The following STIL variants were observed in gnomAD, a reference collection of about 807,000 sequenced individuals.
The protein encoded by STIL is STIL centriolar assembly protein.
In STIL, 55 loss-of-function variants were observed where a neutral mutation model predicts 110.1. The ratio of observed to expected loss-of-function variants is 0.50; its 90% CI spans 0.40 to 0.63. The LOEUF is 0.63. STIL is among the 20% of genes least tolerant of loss of function. STIL has a pLI of 0.00. For synonymous variants in STIL, 481 were observed against 530.0 expected (o/e 0.91, Z 1.27); for missense variants, 1,358 against 1,530.0 (o/e 0.89, Z 1.87).
intron 10 of STIL, 49 bp downstream of exon 10, chr1:47,287,502 A>T (rs954213908): frequency 3.3e-6 from 4 of 1,220,778 alleles, no homozygotes; most frequent in Non-Finnish European, 3.5e-6. Context: ...AAAACTAATA[A>T]ATATAATTTT....
chr1:47,260,731 C>T (rs560131105), intron 15 of STIL, among the ~76,000 whole-genome samples, 192 bp from the exon 16 acceptor site: 9 of 151,988 alleles, frequency 5.9e-5, no homozygotes, highest in East Asian at 1.9e-4. Context: ...TAGCTGGGCA[C>T]GGTGGCACAC....
intron 8 of STIL, among the ~76,000 whole-genome samples, chr1:47,291,618 T>C (rs1645493039): frequency 6.6e-6 from 1 of 152,092 alleles, no homozygotes; most frequent in Admixed American, 6.6e-5. Context: ...CAGGCTGGAG[T>C]GTAGTGGTGC....
rs1435556471 is a variant in STIL at position 47,251,276 on chromosome 1, C to T, written c.3727G>A (p.Glu1243Lys). 1 of 1,612,252 alleles carries T rather than the reference C, an allele frequency of 6.2e-7. No individual in the cohort carries two copies. The highest frequency in any genetic ancestry group is 8.5e-7 in the Non-Finnish European group (1 of 1,178,678). Residue 1243 changes from glutamate to lysine, a missense_variant, in exon 17 of 17, where the codon GAG becomes AAG. Transcript: ENST00000371877. ...GTAATGTCCCCTTCATTTTCTTTCTCAGGATGTTGAGTGAACTCTGCTTTC... is the reference window on the plus strand; with the variant it reads ...GTAATGTCCCCTTCATTTTCTTTCTTAGGATGTTGAGTGAACTCTGCTTTC... The part of the protein sequence containing the change: ...TGKAEFTQHP[E>K]KENEGDITIF...
At chr1:47,278,752 G>T in intron 12 of STIL, among the ~76,000 whole-genome samples, 1 of 151,892 alleles carries the variant, frequency 6.6e-6, no homozygotes, top group Middle Eastern at 3.4e-3. Context: ...GATCACTTGA[G>T]CTGAGGAGTT....
intron 14 of STIL, among the ~76,000 whole-genome samples, chr1:47,266,929 G>C (rs747553315): frequency 6.6e-6 from 1 of 152,102 alleles, no homozygotes; most frequent in Admixed American, 6.5e-5. Context: ...CATATAACTT[G>C]GCTCCTGCCT....
intron 14 of STIL, 140 bp from the exon 15 acceptor site, chr1:47,263,256 C>A (rs912340632): frequency 2.5e-6 from 2 of 794,036 alleles, no homozygotes; most frequent in Admixed American, 4.2e-5. Flanking sequence ...TACATAAACA[C>A]CCCATCTTAG....
chr1:47,303,145 C>T lies in STIL; in HGVS notation c.153-799G>A, dbSNP rs151088945. On this transcript the variant is annotated intron_variant, in intron 3 of 16. Coordinates refer to ENST00000371877, the MANE Select transcript of STIL (RefSeq NM_001048166.1). ...TTAAAGAAATAAAAAATATAATTTG[C>T]AAAAATTCAATAAGTTATATAATTA... is the stretch of plus-strand genomic sequence containing the variant. Among the ~76,000 whole-genome samples the T allele has an allele frequency of 2.9e-3, 438 of 152,124 alleles. 2 individuals carry two copies. Among genetic ancestry groups the T allele is most frequent in the African/African-American group, 9.9e-3 (413 of 41,520 alleles).
intron 12 of STIL, among the ~76,000 whole-genome samples, chr1:47,279,179 C>T (rs12405544): frequency 6.6e-6 from 1 of 150,580 alleles, no homozygotes; most frequent in African/African-American, 2.4e-5. Context: ...GCTACTCCGG[C>T]GGCTGAGGCA....
Position 47,300,033 on chromosome 1 carries a change from T to G in STIL, c.573A>C (p.Ala191=). ...TAAAGTTATTTGCTAGAGTTACTGC[T>G]GCCCAATGCAAGTCAAATTCCACAC... ...LDSVEFDLHW[A]AVTLANNFKC... is the part of the protein sequence containing the mutation. Residue 191 remains alanine, a synonymous_variant, in exon 6 of 17, where the codon GCA becomes GCC. Transcript: ENST00000371877. The G allele has an allele frequency of 1.9e-6, 3 of 1,614,196 alleles. No individual in the cohort carries two copies. The highest frequency in any genetic ancestry group is 2.5e-6 in the Non-Finnish European group (3 of 1,180,030).
In STIL at chr1:47,301,599, T is replaced by C. The variant is rs369001599; in HGVS notation, c.415A>G (p.Ile139Val). 6.2e-7 allele frequency: 1 copy of C among 1,613,970 alleles called. No homozygotes were observed. The highest frequency in any genetic ancestry group is 8.5e-7 in the Non-Finnish European group (1 of 1,180,018). The change falls in exon 5 of 17, where the codon ATA becomes GTA. Residue 139 changes from isoleucine (I) to valine (V), a missense_variant. By Grantham distance (29) the Ile-to-Val change is conservative. Transcript: ENST00000371877. ...CTGAAGTCATCTACACTGTGAACTA[T>C]CATTTCTCTTGAACAAAGTTCTTGA... Reference protein sequence around the residue: ...HTQELCSREMIVHSVDDFSSA... With the variant: ...HTQELCSREMVVHSVDDFSSA...
chr1:47,299,627 A>C, intron 6 of STIL: 1 of 374,610 alleles, frequency 2.7e-6, no homozygotes, highest in Non-Finnish European at 5.1e-6. Flanking sequence ...TCCTGACCTC[A>C]GGTGATCTGC....
Position 47,280,646 on chromosome 1 carries a change from C to T in STIL, c.1812G>A (p.Arg604=), listed in dbSNP as rs1645131394. The T allele has an allele frequency of 1.9e-6, 3 of 1,614,194 alleles. No individual in the cohort carries two copies. The highest frequency in any genetic ancestry group is 2.5e-6 in the Non-Finnish European group (3 of 1,180,052). ...GAATATGACTATGATGCTGACAACA[C>T]CTGCAAACGTTTGTGGAACAGTAAG... ...LPSYCSTNVC[R]CCQHHSHIQY... is the part of the protein sequence containing the mutation. Residue 604 remains arginine (R), a synonymous_variant, in exon 12 of 17, where the codon AGG becomes AGA. Transcript: ENST00000371877.
At chr1:47,288,844 C>T (rs1265365797) in intron 9 of STIL, among the ~76,000 whole-genome samples, 3 of 143,314 alleles carry the variant, frequency 2.1e-5, no homozygotes, top group African/African-American at 5.2e-5. Flanking sequence ...GTCAGGAGTT[C>T]GAGACCAGCA....
chr1:47,278,393 T>C (rs1309199703), intron 12 of STIL, among the ~76,000 whole-genome samples: 1 of 152,148 alleles, frequency 6.6e-6, no homozygotes, highest in Admixed American at 6.5e-5. Flanking sequence ...AAATACTATA[T>C]GTATTTACAC....
Position 47,251,489 on chromosome 1 carries a change from A to C in STIL, c.3514T>G (p.Ser1172Ala). Residue 1172 changes from serine (S) to alanine (A), a missense_variant, in exon 17 of 17, where the codon TCT becomes GCT. By Grantham distance (99) the Ser-to-Ala change is moderately conservative. Coordinates refer to ENST00000371877, the MANE Select transcript of STIL (RefSeq NM_001048166.1). ...PEQLGGQKEPSKNDHEIINCS... is the reference protein window; with the variant it reads ...PEQLGGQKEPAKNDHEIINCS... The stretch of plus-strand genomic sequence containing the variant: ...TTAATTATTTCATGGTCATTCTTAG[A>C]AGGCTCTTTCTGACCACCAAGCTGT... 1 of 1,614,232 alleles carries C rather than the reference A, an allele frequency of 6.2e-7. No individual in the cohort carries two copies. Among genetic ancestry groups the C allele is most frequent in the Non-Finnish European group, 8.5e-7 (1 of 1,180,056 alleles).
chr1:47,277,087 C>T (rs1274590953), intron 12 of STIL, among the ~76,000 whole-genome samples: 1 of 152,058 alleles, frequency 6.6e-6, no homozygotes, highest in Non-Finnish European at 1.5e-5. Flanking sequence ...TGAATGTGAG[C>T]TCCTTCCCTG....
Position 47,299,942 on chromosome 1 carries a change from G to C in STIL, c.664C>G (p.Leu222Val). 1 of 1,614,058 alleles carries C rather than the reference G, an allele frequency of 6.2e-7. No homozygotes were observed. The highest frequency in any genetic ancestry group is 1.1e-5 in the South Asian group (1 of 91,086). Residue 222 changes from leucine to valine, a missense_variant, in exon 6 of 17, where the codon CTG becomes GTG. Coordinates refer to ENST00000371877, the MANE Select transcript of STIL (RefSeq NM_001048166.1). ...GTCCCTTGAACTTGAGAAATATTCAGATTACTGCTCAAGTTTCTTGCCAGA... is the reference window on the plus strand; with the variant it reads ...GTCCCTTGAACTTGAGAAATATTCACATTACTGCTCAAGTTTCTTGCCAGA... ...TALARNLSSNLNISQVQGTYK... is the reference protein window; with the variant it reads ...TALARNLSSNVNISQVQGTYK...
At chr1:47,308,657 T>C (rs999884834) in intron 2 of STIL, among the ~76,000 whole-genome samples, 1 of 151,166 alleles carries the variant, frequency 6.6e-6, no homozygotes, top group African/African-American at 2.4e-5. Context: ...AGTTAATGGG[T>C]TTAAAAAAAA....
chr1:47,269,616 T>C lies in STIL; in HGVS notation c.2615+19A>G. 1 of 1,610,152 alleles carries C rather than the reference T, an allele frequency of 6.2e-7. No homozygotes were observed. The highest frequency in any genetic ancestry group is 8.5e-7 in the Non-Finnish European group (1 of 1,176,990). The stretch of plus-strand genomic sequence containing the variant: ...TTTTTTTGAAAGTAGGATGAAAGAC[T>C]AAATCAAAGAGACCTTACTTGGATA... On this transcript the variant is annotated intron_variant, in intron 14 of 16. Transcript: ENST00000371877.
Sources: allele counts gnomAD v4.1 joint callset (sites outside exome capture counted in the v4.1 genomes callset), GRCh38; gene constraint gnomAD v4.1.1; transcripts MANE v1.5; gene names NCBI Gene and HGNC (gene_info 2026-07-23, HGNC 2026-07-21).